ZFYVE16: variants seen among roughly 807,000 people sequenced by gnomAD.
ZFYVE16 encodes zinc finger FYVE domain-containing protein 16.
ZFYVE16 carries 89 observed loss-of-function variants against 138.1 expected under a neutral mutation model. The observed-to-expected ratio is 0.64, with a 90% CI of 0.54 to 0.77. The LOEUF (loss-of-function observed/expected upper bound fraction) is 0.77. ZFYVE16 is among the 30% of genes least tolerant of loss of function. The probability of loss-of-function intolerance (pLI) is 0.00; values close to 1 mark genes in which losing one functional copy is unlikely to be tolerated. For missense variants in ZFYVE16, 1,793 were observed against 1,786.7 expected (o/e 1.00, Z -0.06); for synonymous variants, 596 against 618.3 (o/e 0.96, Z 0.53).
chr5:80,411,609 A>G (rs1394813863), intron 1 of ZFYVE16: 1 of 152,192 alleles, frequency 6.6e-6, no homozygotes, highest in Non-Finnish European at 1.5e-5. Context: ...ATCTGATGGC[A>G]GGCTCTTGTC....
intron 15 of ZFYVE16, among the ~76,000 whole-genome samples, chr5:80,462,501 T>C (rs1349267036): frequency 6.6e-6 from 1 of 152,180 alleles, no homozygotes; most frequent in African/African-American, 2.4e-5. Context: ...GGTCTCTCCC[T>C]TGACATGCAG....
intron 2 of ZFYVE16, among the ~76,000 whole-genome samples, chr5:80,429,259 A>C (rs536573305): frequency 1.1e-3 from 172 of 152,376 alleles, no homozygotes; most frequent in African/African-American, 4.0e-3. Context: ...CTGATCTCTC[A>C]GCAGAAACTC....
intron 15 of ZFYVE16, among the ~76,000 whole-genome samples, chr5:80,471,247 C>T (rs1402260527): frequency 2.0e-5 from 3 of 152,232 alleles, no homozygotes; most frequent in East Asian, 1.9e-4. Context: ...CTGGTCTAAC[C>T]GGTTGTCTAG....
chr5:80,428,974 G>A (rs142311945), intron 2 of ZFYVE16, among the ~76,000 whole-genome samples: 3 of 152,310 alleles, frequency 2.0e-5, no homozygotes, highest in African/African-American at 4.8e-5. Context: ...CCAAATCTAC[G>A]TCTAATTGGT....
chr5:80,413,487 A>G (rs150346192), intron 1 of ZFYVE16, among the ~76,000 whole-genome samples: 138 of 131,444 alleles, frequency 1.0e-3, no homozygotes, highest in Middle Eastern at 7.2e-3. Context: ...AAAAAAAAAG[A>G]AAAAAAAAAG....
chr5:80,479,593 T>C lies in ZFYVE16; in HGVS notation c.*2216T>C, dbSNP rs1355326592. On this transcript the variant is annotated 3_prime_UTR_variant, in exon 19 of 19. Transcript: ENST00000505560. The stretch of plus-strand genomic sequence containing the variant: ...ATTCAATTGTGGGAAACTACTTGTT[T>C]CTGAAAATTGCATGCTAGGATATTT... Among the ~76,000 whole-genome samples the C allele has an allele frequency of 1.3e-5, 2 of 152,210 alleles. No homozygotes were observed. Among genetic ancestry groups the C allele is most frequent in the Admixed American group, 6.5e-5 (1 of 15,268 alleles).
intron 3 of ZFYVE16, 150 bp from the exon 4 acceptor site, chr5:80,436,606 A>T: frequency 7.9e-6 from 5 of 632,260 alleles, no homozygotes; most frequent in Non-Finnish European, 1.3e-5. Context: ...AAATACAAAA[A>T]TAGTTTTGGA....
intron 1 of ZFYVE16, among the ~76,000 whole-genome samples, chr5:80,416,642 A>T (rs549741836): frequency 3.0e-4 from 45 of 148,926 alleles, no homozygotes; most frequent in African/African-American, 1.1e-3. Context: ...GAGTTCTTTC[A>T]CTTGGGTCTT....
chr5:80,443,261 C>G lies in ZFYVE16; in HGVS notation c.2558C>G (p.Ala853Gly). ...TCACCAGCAACTTTGCCAGTCTCAG[C>G]ACTTAAACAACCAGGTGTTGAAGGT... ...IPSPATLPVS[A>G]LKQPGVEGLC... The change falls in exon 6 of 19, where the codon GCA becomes GGA. Residue 853 changes from alanine to glycine, a missense_variant. Ala to Gly is a moderately conservative substitution (Grantham distance 60, BLOSUM62 0). This residue lies in a region of ZFYVE16 where 1,295 missense variants were observed against 1,204.3 expected (regional missense o/e 1.08). Coordinates refer to ENST00000505560, the MANE Select transcript of ZFYVE16 (RefSeq NM_001284236.3). The G allele has an allele frequency of 6.2e-7, 1 of 1,609,672 alleles. No homozygotes were observed. Among genetic ancestry groups the G allele is most frequent in the Middle Eastern group, 1.7e-4 (1 of 6,046 alleles).
intron 11 of ZFYVE16, 175 bp from the exon 12 acceptor site, chr5:80,455,515 CAG>C (rs1752434284): frequency 1.8e-6 from 1 of 553,570 alleles, no homozygotes; most frequent in East Asian, 3.5e-5. Flanking sequence ...GCCTGGGCAA[CAG>C]AGTGAGACCT....
intron 3 of ZFYVE16, among the ~76,000 whole-genome samples, chr5:80,434,649 T>A (rs1206941863): frequency 1.3e-5 from 2 of 152,106 alleles, no homozygotes; most frequent in East Asian, 3.9e-4. Context: ...TTTTCAGTTA[T>A]TTGTAGAGAC....
Position 80,434,153 on chromosome 5 carries a change from C to T in ZFYVE16, c.6C>T (p.Asp2=). The change falls in exon 3 of 19, where the codon GAC becomes GAT. Residue 2 remains aspartate (D), a synonymous_variant. Transcript: ENST00000505560. The part of the protein sequence containing the change: M[D]SYFKAAVSDL... Reference sequence around the variant, plus strand: ...TGAATAAGTCTGCAGGTAGGATGGACAGTTATTTTAAAGCAGCTGTCAGTG... The same window carrying T: ...TGAATAAGTCTGCAGGTAGGATGGATAGTTATTTTAAAGCAGCTGTCAGTG... The T allele has an allele frequency of 6.2e-7, 1 of 1,612,906 alleles. No individual in the cohort carries two copies. Among genetic ancestry groups the T allele is most frequent in the Non-Finnish European group, 8.5e-7 (1 of 1,179,298 alleles).
chr5:80,455,971 C>CTCA (rs1752487255), intron 12 of ZFYVE16, 197 bp downstream of exon 12: 1 of 517,382 alleles, frequency 1.9e-6, no homozygotes, highest in East Asian at 3.7e-5. Context: ...GTACTATCTC[C>CTCA]TCATGTACGT....
chr5:80,444,657 AAAGAAATGTCCTGTGGTAGT>A (rs1333963018), intron 6 of ZFYVE16, among the ~76,000 whole-genome samples: 2 of 152,002 alleles, frequency 1.3e-5, no homozygotes, highest in African/African-American at 4.8e-5. Flanking sequence ...TAAATAAAAG[AAAGAAATGTCCTGTGGTAGT>A]AAGAAATGTC....
At chr5:80,413,735 G>A (rs1433186036) in intron 1 of ZFYVE16, among the ~76,000 whole-genome samples, 3 of 152,106 alleles carry the variant, frequency 2.0e-5, no homozygotes, top group African/African-American at 7.2e-5. Context: ...TAATTCTCTC[G>A]CCGAACCTTA....
intron 17 of ZFYVE16, 54 bp downstream of exon 17, chr5:80,473,913 C>T: frequency 1.4e-6 from 2 of 1,403,460 alleles, no homozygotes; most frequent in South Asian, 1.2e-5. Flanking sequence ...GATTTTTGTT[C>T]TTTGGAGATT....
chr5:80,439,037 G>T (rs1278474239), intron 4 of ZFYVE16, 30 bp downstream of exon 4: 1 of 1,567,558 alleles, frequency 6.4e-7, no homozygotes, highest in Admixed American at 1.9e-5. Flanking sequence ...TAAGTCTTTT[G>T]TTCTTTTGAG....
At chr5:80,411,727 C>CT (rs1460931571) in intron 1 of ZFYVE16, 1 of 152,270 alleles carries the variant, frequency 6.6e-6, no homozygotes, top group East Asian at 1.9e-4. Context: ...ATTCCAGATT[C>CT]TTATATTCAG....
intron 15 of ZFYVE16, among the ~76,000 whole-genome samples, chr5:80,460,948 C>T (rs969950728): frequency 8.5e-5 from 13 of 152,180 alleles, no homozygotes; most frequent in African/African-American, 2.7e-4. Flanking sequence ...CATACTCCTT[C>T]TACTCTCCTC....
Sources: gnomAD v4.1 joint callset for allele counts (sites outside exome capture counted in the v4.1 genomes callset) on GRCh38, gnomAD v4.1.1 for gene constraint, gnomAD v4.1.1 regional missense constraint, MANE v1.5 for transcripts, NCBI Gene and HGNC (gene_info 2026-07-23, HGNC 2026-07-21) for gene names.